The following AGO3 variants were observed in gnomAD, a reference collection of about 807,000 sequenced individuals.
AGO3 encodes protein argonaute-3.
A neutral mutation model predicts 105.5 loss-of-function variants in AGO3; 16 were observed. The observed-to-expected ratio is 0.15, with a 90% confidence interval of 0.10 to 0.23. The LOEUF (loss-of-function observed/expected upper bound fraction) is 0.23. Among genes scored for constraint, AGO3 ranks in the 10% least tolerant of loss-of-function variants. AGO3 has a pLI of 1.00. For missense variants in AGO3, 534 were observed against 1,088.0 expected, an observed-to-expected ratio of 0.49 and a Z score of 7.16; for synonymous variants, 340 against 367.3, an observed-to-expected ratio of 0.93 and a Z score of 0.85.
chr1:35,935,460 G>C (rs1646131822), intron 1 of AGO3, among the ~76,000 whole-genome samples: 1 of 152,210 alleles, frequency 6.6e-6, no homozygotes, highest in East Asian at 1.9e-4. Flanking sequence ...TAGAATGAAT[G>C]AAAAGATATC....
intron 2 of AGO3, among the ~76,000 whole-genome samples, chr1:35,958,450 C>T (rs1454029016): frequency 1.3e-5 from 2 of 151,988 alleles, no homozygotes; most frequent in Non-Finnish European, 2.9e-5. Flanking sequence ...CACTTGATCT[C>T]AGGAGTTCAA....
At chr1:35,982,978 G>T in intron 5 of AGO3, 1 of 210,008 alleles carries the variant, frequency 4.8e-6, no homozygotes, top group Non-Finnish European at 9.4e-6. Flanking sequence ...TGCAATTGTA[G>T]GGGCTAGCTA....
intron 11 of AGO3, among the ~76,000 whole-genome samples, chr1:36,023,034 C>T (rs1483528784): frequency 1.3e-5 from 2 of 152,180 alleles, no homozygotes; most frequent in African/African-American, 4.8e-5. Flanking sequence ...TTCTTATTTG[C>T]CATTAACTGC....
rs1464814863 is a variant in AGO3 at position 36,055,038 on chromosome 1, C to T, written c.2367C>T (p.His789=). 3.7e-6 allele frequency: 6 copies of T among 1,614,212 alleles called. No individual in the cohort carries two copies. The highest frequency in any genetic ancestry group is 3.3e-5 in the South Asian group (3 of 91,086). ...AGCTGCTAACTTACCAGCTCTGCCA[C>T]ACTTACGTACGCTGTACACGATCTG... ...ELQLLTYQLC[H]TYVRCTRSVS... The change falls in exon 18 of 19, where the codon CAC becomes CAT. Residue 789 remains histidine (H), a synonymous_variant. Coordinates refer to ENST00000373191, the MANE Select transcript of AGO3 (RefSeq NM_024852.4). The surrounding 1 kb of genome is among the most constrained non-coding windows in gnomAD (Gnocchi z 4.4).
chr1:36,030,632 G>A lies in AGO3; in HGVS notation c.1591+3334G>A, dbSNP rs185075650. 3.9e-5 allele frequency among the ~76,000 whole-genome samples: 6 copies of A among 152,020 alleles called. No homozygotes were observed. The East Asian group carries it at 7.7e-4, about 20-fold the overall frequency. ...TTGTGAGTATGCAGTGTATTAATAC[G>A]TTGCTGATGGTAGTATAAATTGATA... On this transcript the variant is annotated intron_variant, in intron 12 of 18. Transcript: ENST00000373191.
intron 17 of AGO3, among the ~76,000 whole-genome samples, chr1:36,053,121 G>A (rs1642784382): frequency 6.6e-6 from 1 of 152,024 alleles, no homozygotes; most frequent in African/African-American, 2.4e-5. Flanking sequence ...TAGAAATGCT[G>A]TTAAACAGAT....
intron 12 of AGO3, among the ~76,000 whole-genome samples, chr1:36,032,796 C>T (rs532727495): frequency 6.6e-6 from 1 of 152,102 alleles, no homozygotes; most frequent in South Asian, 2.1e-4. Flanking sequence ...TCAAAACCAG[C>T]GTGGCCAACA....
At chr1:35,952,106 G>A (rs1428788021) in intron 2 of AGO3, among the ~76,000 whole-genome samples, 2 of 145,598 alleles carry the variant, frequency 1.4e-5, no homozygotes, top group Non-Finnish European at 1.5e-5. Context: ...TCGGTTCTGG[G>A]TCGGTCTTTC....
rs1274579169 is a variant in AGO3, at chr1:36,060,020, A to G, written c.*4275A>G. The G allele has an allele frequency of 6.6e-6, 1 of 152,116 alleles. No homozygotes were observed. The highest frequency in any genetic ancestry group is 2.4e-5 in the African/African-American group (1 of 41,422). The allele number at this position is 152,116 out of a possible 1,614,324, so 9.4% of individuals were successfully genotyped here. A position where few individuals can be genotyped will look rare whatever the true frequency, so the allele number is the denominator to read the frequency against. On this transcript the variant is annotated 3_prime_UTR_variant, in exon 19 of 19. Transcript: ENST00000373191. ...ATCTTCTAACAAGTTTCTTGGAAAA[A>G]CTATCATTCTAAGGGAAATCCCTGT...
At chr1:35,950,516 T>A (rs1238685338) in intron 2 of AGO3, among the ~76,000 whole-genome samples, 2 of 152,164 alleles carry the variant, frequency 1.3e-5, no homozygotes, top group Admixed American at 6.5e-5. Flanking sequence ...GTCCATTGCT[T>A]TTTTTGTCCT....
chr1:35,931,199 C>T lies in AGO3; in HGVS notation c.-228C>T, dbSNP rs889671676. The T allele has an allele frequency of 2.5e-6, 1 of 402,928 alleles. No individual in the cohort carries two copies. The highest frequency in any genetic ancestry group is 4.4e-6 in the Non-Finnish European group (1 of 227,614). 25.0% of individuals were successfully genotyped at this position (402,928 alleles called of 1,614,324 possible). ...TCCGGACGGGACTCCCCTCTGTCCG[C>T]GCCTCACATCTCCCCTTCCTCTCGC... On this transcript the variant is annotated 5_prime_UTR_variant, in exon 1 of 19. Transcript: ENST00000373191.
chr1:35,934,002 CAA>C (rs568183256), intron 1 of AGO3, among the ~76,000 whole-genome samples: 1 of 149,466 alleles, frequency 6.7e-6, no homozygotes, highest in African/African-American at 2.5e-5. Context: ...TTTGATTTAA[CAA>C]AAAAAAAGGT....
Position 35,990,958 on chromosome 1 carries a change from A to G in AGO3, c.659-13383A>G, listed in dbSNP as rs546385234. Among the ~76,000 whole-genome samples the G allele has an allele frequency of 1.1e-4, 16 of 152,332 alleles. No individual in the cohort carries two copies. The East Asian group carries it at 2.9e-3, about 28-fold the overall frequency. On this transcript the variant is annotated intron_variant, in intron 5 of 18. Transcript: ENST00000373191. ...AGCAACATGAGTTCAAACAAGACCA[A>G]CTAAAGATATCTGGATCAGGCTTAC...
Position 36,055,949 on chromosome 1 carries a change from C to A in AGO3, c.*204C>A. 1 of 497,574 alleles carries A rather than the reference C, an allele frequency of 2.0e-6. No homozygotes were observed. Among genetic ancestry groups the A allele is most frequent in the Non-Finnish European group, 3.6e-6 (1 of 281,198 alleles). 30.8% of individuals were successfully genotyped at this position (497,574 alleles called of 1,614,324 possible). A position where few individuals can be genotyped will look rare whatever the true frequency, so the allele number is the denominator to read the frequency against. On this transcript the variant is annotated 3_prime_UTR_variant, in exon 19 of 19. Transcript: ENST00000373191. The surrounding 1 kb of genome is among the most constrained non-coding windows in gnomAD (Gnocchi z 4.4). Reference sequence around the variant, plus strand: ...CACAGCATCATTATGCAATATGAAACCAGCCAACTGCTTTTTGTGCGGTCT... The same window carrying A: ...CACAGCATCATTATGCAATATGAAAACAGCCAACTGCTTTTTGTGCGGTCT...
chr1:35,963,579 A>G (rs1646716609), intron 2 of AGO3, among the ~76,000 whole-genome samples: 1 of 152,110 alleles, frequency 6.6e-6, no homozygotes, highest in African/African-American at 2.4e-5. Context: ...ATAACACACC[A>G]TGAACTGAGG....
At chr1:36,001,566 C>T (rs917090003) in intron 5 of AGO3, among the ~76,000 whole-genome samples, 2 of 152,130 alleles carry the variant, frequency 1.3e-5, no homozygotes, top group Admixed American at 6.5e-5. Flanking sequence ...AATTATCATG[C>T]ACCCACACTG....
At position 36,039,997 on chromosome 1, in the gene AGO3, G is replaced by A; in HGVS notation, c.2037+13G>A. 1 of 1,601,494 alleles carries A rather than the reference G, an allele frequency of 6.2e-7. No individual in the cohort carries two copies. The highest frequency in any genetic ancestry group is 8.5e-7 in the Non-Finnish European group (1 of 1,171,472). On this transcript the variant is annotated intron_variant, in intron 15 of 18. Transcript: ENST00000373191. ...GCAGTTTAGGCAGGTTGGTTACCTA[G>A]AATCTCATCAGACTATGGTGAAATC...
chr1:35,945,746 C>T lies in AGO3; in HGVS notation c.74C>T (p.Thr25Ile). The T allele has an allele frequency of 6.2e-7, 1 of 1,613,414 alleles. No individual in the cohort carries two copies. Reference protein sequence around the residue: ...LMVPRRPGYGTMGKPIKLLAN... With the variant: ...LMVPRRPGYGIMGKPIKLLAN... ...GTGCCCAGAAGACCTGGCTATGGCA[C>T]CATGGGCAAACCCATTAAACTGCTG... is the stretch of plus-strand genomic sequence containing the variant. The change falls in exon 2 of 19, where the codon ACC (threonine) becomes ATC (isoleucine). Residue 25 changes from threonine (T) to isoleucine (I), a missense_variant. This residue lies in a region of AGO3 where 161 missense variants were observed against 234.0 expected (regional missense o/e 0.69). Transcript: ENST00000373191.
At chr1:36,051,812 G>A (rs1440574411) in intron 17 of AGO3, among the ~76,000 whole-genome samples, 4 of 152,132 alleles carry the variant, frequency 2.6e-5, no homozygotes, top group East Asian at 1.9e-4. Flanking sequence ...TAATTGAGAC[G>A]ATCAAGAGGT....
Sources: gnomAD v4.1 joint callset for allele counts (sites outside exome capture counted in the v4.1 genomes callset) on GRCh38, gnomAD v4.1.1 for gene constraint, gnomAD v4.1.1 regional missense constraint, Gnocchi (gnomAD v3.1) non-coding constraint, MANE v1.5 for transcripts, NCBI Gene and HGNC (gene_info 2026-07-23, HGNC 2026-07-21) for gene names.